Variants in COTL1 observed in about 807,000 individuals in gnomAD.
The protein encoded by COTL1 is coactosin-like protein.
Under a neutral mutation model 16.5 loss-of-function variants are expected in COTL1, and 15 were observed. The ratio of observed to expected loss-of-function variants is 0.91; its 90% CI spans 0.61 to 1.40. COTL1 has a LOEUF of 1.40. COTL1 is among the 40% of genes most tolerant of loss of function. The pLI, the probability that COTL1 is intolerant of heterozygous loss-of-function variation, is 0.00. For synonymous variants in COTL1, 112 were observed against 85.3 expected, an observed-to-expected ratio of 1.31 and a Z score of -1.73; for missense variants, 220 against 201.5, an observed-to-expected ratio of 1.09 and a Z score of -0.56.
intron 2 of COTL1, among the ~76,000 whole-genome samples, chr16:84,605,536 A>G (rs1367609833): frequency 6.6e-6 from 1 of 152,214 alleles, no homozygotes; most frequent in African/African-American, 2.4e-5. Flanking sequence ...TATCTGGGTG[A>G]CACCCACGTG....
At chr16:84,581,545 G>A (rs1035846936) in intron 3 of COTL1, among the ~76,000 whole-genome samples, 9 of 152,216 alleles carry the variant, frequency 5.9e-5, no homozygotes, top group East Asian at 1.9e-4. Context: ...CTCTGTCACC[G>A]AGGCTGCAGT....
At chr16:84,586,298 T>C (rs1431947615) in intron 3 of COTL1, among the ~76,000 whole-genome samples, 4 of 152,198 alleles carry the variant, frequency 2.6e-5, no homozygotes, top group African/African-American at 9.7e-5. Flanking sequence ...TGCTTCAACT[T>C]ACTTGAGCTT....
chr16:84,615,081 G>A (rs780366749), intron 2 of COTL1, among the ~76,000 whole-genome samples: 1 of 152,236 alleles, frequency 6.6e-6, no homozygotes. Flanking sequence ...TCCAGCCAGT[G>A]CCAGTGTTGA....
chr16:84,604,106 C>T (rs1173354099), intron 2 of COTL1, among the ~76,000 whole-genome samples: 1 of 137,206 alleles, frequency 7.3e-6, no homozygotes, highest in East Asian at 2.2e-4. Flanking sequence ...CACCCATGCT[C>T]CCCTCCCACT....
intron 3 of COTL1, among the ~76,000 whole-genome samples, chr16:84,588,055 AGCCATGACACCTG>A (rs1904776247): frequency 6.6e-6 from 1 of 151,984 alleles, no homozygotes; most frequent in African/African-American, 2.4e-5. Flanking sequence ...TACAGGAGGG[AGCCATGACACCTG>A]GCCATATTGT....
At chr16:84,569,406 T>C (rs888084978) in intron 3 of COTL1, among the ~76,000 whole-genome samples, 2 of 152,138 alleles carry the variant, frequency 1.3e-5, no homozygotes, top group African/African-American at 4.8e-5. Flanking sequence ...AAAGTCGCCA[T>C]ATTGCCAAGA....
intron 3 of COTL1, among the ~76,000 whole-genome samples, chr16:84,577,304 G>A (rs1351257802): frequency 6.6e-6 from 1 of 152,198 alleles, no homozygotes; most frequent in African/African-American, 2.4e-5. Flanking sequence ...GAGTACAGTG[G>A]TACCATCTCG....
At position 84,590,140 on chromosome 16, in the gene COTL1, C is replaced by T. The variant is rs768775627; in HGVS notation, c.283G>A (p.Gly95Arg). ...NVSGLQRAKTGTDKTLVKEVV... is the reference protein window; with the variant it reads ...NVSGLQRAKTRTDKTLVKEVV... ...TCCTTCACCAGGGTCTTGTCCGTCC[C>T]GGTTTTGGCGCGCTGCAGCCCGCTG... Residue 95 changes from glycine to arginine, a missense_variant, in exon 3 of 4, where the codon GGG (glycine) becomes AGG (arginine). By Grantham distance (125) the Gly-to-Arg change is moderately radical (BLOSUM62 -2). Coordinates refer to ENST00000262428, the MANE Select transcript of COTL1 (RefSeq NM_021149.5). The surrounding 1 kb of genome is among the most constrained non-coding windows in gnomAD (Gnocchi z 5.5). The T allele has an allele frequency of 8.7e-6, 14 of 1,613,918 alleles. No individual in the cohort carries two copies. Among genetic ancestry groups the T allele is most frequent in the Non-Finnish European group, 1.1e-5 (13 of 1,179,946 alleles).
At chr16:84,597,614 C>G (rs1035780838) in intron 2 of COTL1, among the ~76,000 whole-genome samples, 7 of 152,172 alleles carry the variant, frequency 4.6e-5, no homozygotes, top group African/African-American at 1.7e-4. Flanking sequence ...TTGAGACCCA[C>G]TGACTTAGAG....
chr16:84,595,908 ATG>A (rs780193943), intron 2 of COTL1: 18 of 150,638 alleles, frequency 1.2e-4, no homozygotes, highest in East Asian at 5.8e-4. Flanking sequence ...ATGTATGTGT[ATG>A]TGTGTGTTAT....
At chr16:84,602,334 T>G (rs551072490) in intron 2 of COTL1, among the ~76,000 whole-genome samples, 77 of 150,358 alleles carry the variant, frequency 5.1e-4, no homozygotes, top group African/African-American at 1.8e-3. Context: ...GAGGCTGCAG[T>G]GAACTATGAT....
At chr16:84,611,035 C>T (rs1905312328) in intron 2 of COTL1, among the ~76,000 whole-genome samples, 1 of 152,194 alleles carries the variant, frequency 6.6e-6, no homozygotes, top group African/African-American at 2.4e-5. Flanking sequence ...ACTCTACAAG[C>T]ATTATATGGA....
chr16:84,606,962 C>T (rs182316018), intron 2 of COTL1, among the ~76,000 whole-genome samples: 15 of 152,294 alleles, frequency 9.8e-5, no homozygotes, highest in Admixed American at 2.6e-4. Context: ...ACAGCCAGCA[C>T]GTGCTGGGAA....
chr16:84,577,621 G>C (rs1379910326), intron 3 of COTL1, among the ~76,000 whole-genome samples: 1 of 152,126 alleles, frequency 6.6e-6, no homozygotes, highest in Non-Finnish European at 1.5e-5. Context: ...CACGGGCTCG[G>C]GTTTGACAGA....
intron 3 of COTL1, among the ~76,000 whole-genome samples, chr16:84,580,883 C>T (rs1002612074): frequency 3.3e-5 from 5 of 152,108 alleles, no homozygotes; most frequent in Admixed American, 6.5e-5. Context: ...GTGGCTCACG[C>T]CTGTAATGCC....
chr16:84,581,978 C>CTTTTTTTTT (rs11332563), intron 3 of COTL1, among the ~76,000 whole-genome samples: 11 of 66,030 alleles, frequency 1.7e-4, no homozygotes, highest in Admixed American at 2.1e-4. Context: ...TACATTTCTT[C>CTTTTTTTTT]TTTTTTTTTT....
intron 2 of COTL1, among the ~76,000 whole-genome samples, chr16:84,601,108 C>A (rs550102562): frequency 6.6e-6 from 1 of 152,274 alleles, no homozygotes; most frequent in East Asian, 1.9e-4. Context: ...AGGGGTTCAG[C>A]GTCTGGCTCC....
chr16:84,601,835 A>C (rs988040960), intron 2 of COTL1, among the ~76,000 whole-genome samples: 5 of 152,172 alleles, frequency 3.3e-5, no homozygotes, highest in African/African-American at 4.8e-5. Context: ...ACAATTTGAG[A>C]GGGAGATTGT....
chr16:84,595,153 G>C (rs941870170), intron 2 of COTL1: 1 of 152,306 alleles, frequency 6.6e-6, no homozygotes, highest in Non-Finnish European at 1.5e-5. Context: ...ACAACCCCAA[G>C]GACACTGGGA....
Sources: gnomAD v4.1 joint callset for allele counts (sites outside exome capture counted in the v4.1 genomes callset) on GRCh38, gnomAD v4.1.1 for gene constraint, Gnocchi (gnomAD v3.1) non-coding constraint, MANE v1.5 for transcripts, NCBI Gene and HGNC (gene_info 2026-07-23, HGNC 2026-07-21) for gene names.